The following BCAS3 variants were observed in gnomAD, a reference collection of about 807,000 sequenced individuals.
BCAS3 encodes the protein BCAS4/BCAS3 fusion.
BCAS3 carries 53 observed loss-of-function variants against 116.1 expected under a neutral mutation model. The observed-to-expected ratio is 0.46, with a 90% CI of 0.37 to 0.57. The LOEUF is 0.57. BCAS3 is among the 20% of genes least tolerant of loss of function. The pLI, the probability that BCAS3 is intolerant of heterozygous loss-of-function variation, is 0.00. For synonymous variants in BCAS3, 391 were observed against 408.2 expected (o/e 0.96, Z 0.51); for missense variants, 917 against 1,165.4 (o/e 0.79, Z 3.10).
In BCAS3 at chr17:60,990,054, C is replaced by T. The variant is rs201818633; in HGVS notation, c.1305C>T (p.Asn435=). The T allele has an allele frequency of 1.5e-5, 25 of 1,614,196 alleles. No homozygotes were observed. The Admixed American group carries it at 3.2e-4, about 20-fold the overall frequency. ...LRGTSHVFPI[N]PYGGQPCVRT... ...GTACTTCCCACGTTTTCCCCATCAA[C>T]CCTTATGGTGGCCAGCCTTGTGTTC... The change falls in exon 15 of 24, where the codon AAC becomes AAT. Residue 435 remains asparagine, a synonymous_variant. Coordinates refer to ENST00000407086, the MANE Select transcript of BCAS3 (RefSeq NM_017679.5). This position sits in a 1 kb window ranked among gnomAD's most constrained non-coding sequence, Gnocchi z 5.1.
rs2080678953 is a variant in BCAS3 at position 61,199,240 on chromosome 17, A to C, written c.2425+114676A>C. 6.6e-6 allele frequency among the ~76,000 whole-genome samples: 1 copy of C among 152,234 alleles called. No individual in the cohort carries two copies. Among genetic ancestry groups the C allele is most frequent in the Non-Finnish European group, 1.5e-5 (1 of 68,044 alleles). ...TCTACTGTATACCATGTAGAACCAC[A>C]AAATGCATGTTTTTATCTGTTCTGT... On this transcript the variant is annotated intron_variant, in intron 22 of 23. Transcript: ENST00000407086. This position sits in a 1 kb window ranked among gnomAD's most constrained non-coding sequence, Gnocchi z 4.6.
intron 14 of BCAS3, among the ~76,000 whole-genome samples, chr17:60,965,051 TA>T (rs1600061289): frequency 6.6e-6 from 1 of 152,092 alleles, no homozygotes; most frequent in East Asian, 1.9e-4. Flanking sequence ...CTCTGATCTT[TA>T]TTATTTCTGT....
chr17:61,184,755 A>G (rs944226090), intron 22 of BCAS3, among the ~76,000 whole-genome samples: 2 of 152,178 alleles, frequency 1.3e-5, no homozygotes, highest in African/African-American at 4.8e-5. Context: ...TTACCTCCCT[A>G]CTTAGCAATA....
chr17:61,036,597 A>G (rs541417757), intron 17 of BCAS3, among the ~76,000 whole-genome samples: 1 of 152,284 alleles, frequency 6.6e-6, no homozygotes, highest in Non-Finnish European at 1.5e-5. Context: ...CTGGCTGATC[A>G]TTAGCTATTT....
At chr17:61,299,880 C>G (rs141861608) in intron 22 of BCAS3, among the ~76,000 whole-genome samples, 92 of 152,268 alleles carry the variant, frequency 6.0e-4, no homozygotes, top group African/African-American at 2.2e-3. Context: ...TCTATTATGA[C>G]AGGTTTTAAA....
intron 19 of BCAS3, among the ~76,000 whole-genome samples, chr17:61,074,180 C>T (rs1178583378): frequency 6.7e-6 from 1 of 148,832 alleles, no homozygotes; most frequent in Non-Finnish European, 1.5e-5. Context: ...TGGGAAATAT[C>T]CGTATCTTTA....
intron 6 of BCAS3, among the ~76,000 whole-genome samples, chr17:60,765,865 A>G (rs1385697013): frequency 6.6e-6 from 1 of 152,064 alleles, no homozygotes; most frequent in Non-Finnish European, 1.5e-5. Flanking sequence ...ATAGTCCTAT[A>G]TTTCTTGGAG....
At chr17:60,932,902 C>T (rs186922543) in intron 13 of BCAS3, among the ~76,000 whole-genome samples, 19 of 151,966 alleles carry the variant, frequency 1.3e-4, no homozygotes, top group African/African-American at 2.7e-4. Context: ...AGGCTGGAAG[C>T]GGTGGCTCAT....
At chr17:60,891,835 A>G (rs1031954023) in intron 10 of BCAS3, 1 of 429,450 alleles carries the variant, frequency 2.3e-6, no homozygotes, top group African/African-American at 2.1e-5. Context: ...CCCACTGCCT[A>G]TTTCCATTTT....
chr17:61,094,023 G>A (rs2073803581), intron 22 of BCAS3, among the ~76,000 whole-genome samples: 1 of 152,116 alleles, frequency 6.6e-6, no homozygotes, highest in African/African-American at 2.4e-5. Context: ...ATTTGCCTTT[G>A]TTTTTTCTAC....
rs2076256314 is a variant in BCAS3, at chr17:61,130,186, A to G, written c.2425+45622A>G. 1.3e-5 allele frequency among the ~76,000 whole-genome samples: 2 copies of G among 152,222 alleles called. No homozygotes were observed. Among genetic ancestry groups the G allele is most frequent in the Non-Finnish European group, 2.9e-5 (2 of 68,042 alleles). ...CTTTCACCTTAACTGAGTTTATGTGACTAATTTTAAATTTACTGTAAACAC... is the reference window on the plus strand; with the variant it reads ...CTTTCACCTTAACTGAGTTTATGTGGCTAATTTTAAATTTACTGTAAACAC... On this transcript the variant is annotated intron_variant, in intron 22 of 23. Coordinates refer to ENST00000407086, the MANE Select transcript of BCAS3 (RefSeq NM_017679.5). This position sits in a 1 kb window ranked among gnomAD's most constrained non-coding sequence, Gnocchi z 5.0.
rs746735911 is a variant in BCAS3, at chr17:61,392,122, G to T, written c.2739G>T (p.Pro913=). 3 of 1,612,838 alleles carry T rather than the reference G, an allele frequency of 1.9e-6. No individual in the cohort carries two copies. The highest frequency in any genetic ancestry group is 1.1e-5 in the South Asian group (1 of 90,976). ...TCAGCCTCTTCCCGACTGGCTTCCC[G>T]TAGGTACCAGCAACCTGCTTCTGAC... ...QPLSLFPTGF[P] The change falls in exon 24 of 24, where the codon CCG becomes CCT. Residue 913 remains proline (P), a synonymous_variant. Coordinates refer to ENST00000407086, the MANE Select transcript of BCAS3 (RefSeq NM_017679.5). The surrounding 1 kb of genome is among the most constrained non-coding windows in gnomAD (Gnocchi z 6.4).
chr17:61,271,580 C>T (rs1294367015), intron 22 of BCAS3, among the ~76,000 whole-genome samples: 5 of 143,526 alleles, frequency 3.5e-5, no homozygotes, highest in African/African-American at 7.8e-5. Context: ...CCCGCCATCA[C>T]GCCCAGCTCT....
intron 6 of BCAS3, among the ~76,000 whole-genome samples, chr17:60,756,960 C>G (rs2043040560): frequency 6.6e-6 from 1 of 152,102 alleles, no homozygotes; most frequent in African/African-American, 2.4e-5. Flanking sequence ...GTCAAGAGAT[C>G]AAGACCATCC....
At chr17:60,683,238 T>C (rs375562875) in intron 2 of BCAS3, among the ~76,000 whole-genome samples, 7 of 152,158 alleles carry the variant, frequency 4.6e-5, no homozygotes, top group East Asian at 3.9e-4. Flanking sequence ...AGAAGGTCAC[T>C]AGATAGTGAG....
intron 4 of BCAS3, among the ~76,000 whole-genome samples, chr17:60,691,238 T>C (rs2034781406): frequency 6.6e-6 from 1 of 152,116 alleles, no homozygotes; most frequent in African/African-American, 2.4e-5. Flanking sequence ...CAGCCTCCTA[T>C]CTCTTTGAGA....
intron 22 of BCAS3, among the ~76,000 whole-genome samples, chr17:61,147,741 C>T (rs975332609): frequency 1.3e-5 from 2 of 152,092 alleles, no homozygotes; most frequent in African/African-American, 4.8e-5. Flanking sequence ...AATCCCAGCA[C>T]TTCGGGAGGC....
intron 7 of BCAS3, among the ~76,000 whole-genome samples, chr17:60,863,325 T>C (rs1327942065): frequency 6.6e-6 from 1 of 152,224 alleles, no homozygotes; most frequent in Non-Finnish European, 1.5e-5. Context: ...CTTATACATG[T>C]ATATCATTTG....
At chr17:61,310,193 G>C (rs747147422) in intron 22 of BCAS3, among the ~76,000 whole-genome samples, 2 of 152,046 alleles carry the variant, frequency 1.3e-5, no homozygotes, top group Admixed American at 1.3e-4. Flanking sequence ...GCTTTTATGC[G>C]TATGAGCTTT....
Sources: allele counts gnomAD v4.1 joint callset (sites outside exome capture counted in the v4.1 genomes callset), GRCh38; gene constraint gnomAD v4.1.1; non-coding constraint Gnocchi (gnomAD v3.1); transcripts MANE v1.5; gene names NCBI Gene and HGNC (gene_info 2026-07-23, HGNC 2026-07-21).